Variants in COMMD1 observed in about 807,000 individuals in gnomAD.
COMMD1 encodes copper metabolism domain containing 1.
Under a neutral mutation model 17.2 loss-of-function variants are expected in COMMD1, and 10 were observed. The observed-to-expected ratio is 0.58, with a 90% CI of 0.36 to 0.99. The LOEUF (loss-of-function observed/expected upper bound fraction) is 0.99, where lower values mean the gene tolerates loss of function less well. Among genes scored for constraint, COMMD1 ranks in the 50% least tolerant of loss-of-function variants. The pLI, the probability that COMMD1 is intolerant of heterozygous loss-of-function variation, is 0.01. For synonymous variants in COMMD1, 97 were observed against 91.6 expected, an observed-to-expected ratio of 1.06 and a Z score of -0.34; for missense variants, 270 against 231.8, an observed-to-expected ratio of 1.17 and a Z score of -1.07.
At chr2:61,960,991 C>T (rs935875121) in intron 1 of COMMD1, among the ~76,000 whole-genome samples, 1 of 152,220 alleles carries the variant, frequency 6.6e-6, no homozygotes, top group Admixed American at 6.5e-5. Flanking sequence ...TGTCCTGGCT[C>T]TCTTCTCCCG....
intron 2 of COMMD1, among the ~76,000 whole-genome samples, chr2:62,060,638 C>G (rs1415327186): frequency 2.0e-5 from 3 of 152,118 alleles, no homozygotes; most frequent in Admixed American, 1.3e-4. Flanking sequence ...GAAGAATTTC[C>G]TTTAGCATTT....
rs548553242 is a variant in COMMD1, at chr2:61,911,512, C to T, written c.180+5654C>T. 3.1e-4 allele frequency among the ~76,000 whole-genome samples: 47 copies of T among 152,250 alleles called. 1 individual carries two copies. Among genetic ancestry groups the T allele is most frequent in the African/African-American group, 1.1e-3 (44 of 41,544 alleles). ...TTAGAGACAGGGACTCACTCTGTCA[C>T]GCAGGCTGGAGCGCAGTGGTGCAGT... On this transcript the variant is annotated intron_variant, in intron 1 of 2. Coordinates refer to ENST00000311832, the MANE Select transcript of COMMD1 (RefSeq NM_152516.4).
At chr2:62,112,438 C>CTTTCA (rs1427501286) in intron 2 of COMMD1, among the ~76,000 whole-genome samples, 1 of 152,204 alleles carries the variant, frequency 6.6e-6, no homozygotes, top group African/African-American at 2.4e-5. Context: ...CCCCAGGAGT[C>CTTTCA]TTTCACATGA....
rs186631472 is a variant in COMMD1 at position 61,957,642 on chromosome 2, C to T, written c.181-43059C>T. Among the ~76,000 whole-genome samples, 23 of 152,220 alleles carry T rather than the reference C, an allele frequency of 1.5e-4. No individual in the cohort carries two copies. In the East Asian group the frequency reaches 4.1e-3, roughly 27 times the overall value. ...TAAAATCTTTGTCTTAAAGACAAAT[C>T]AACAAGAGGAAACTTATAAAGAAAG... On this transcript the variant is annotated intron_variant, in intron 1 of 2. Coordinates refer to ENST00000311832, the MANE Select transcript of COMMD1 (RefSeq NM_152516.4).
chr2:61,928,100 C>T (rs1192929223), intron 1 of COMMD1, among the ~76,000 whole-genome samples: 2 of 151,646 alleles, frequency 1.3e-5, no homozygotes, highest in Non-Finnish European at 2.9e-5. Context: ...GTGATAGTAA[C>T]CTTTTGTAAT....
rs5831628 is a variant in COMMD1, at chr2:62,128,950, TAAA to T, written c.463-6864_463-6862del. ...CTGGGCAACAGAGCGAAACTCCATC[TAAA>T]AAAAAAAAAAAAAAAATCAGTATCA... On this transcript the variant is annotated intron_variant, in intron 2 of 2. Coordinates refer to ENST00000311832, the MANE Select transcript of COMMD1 (RefSeq NM_152516.4). Among the ~76,000 whole-genome samples the T allele has an allele frequency of 2.4e-3, 316 of 130,352 alleles. 1 individual carries two copies. The highest frequency in any genetic ancestry group is 7.4e-3 in the African/African-American group (266 of 35,994). 85.5% of individuals were successfully genotyped at this position (130,352 alleles called of 152,430 possible).
At chr2:61,987,958 A>G (rs898196796) in intron 1 of COMMD1, among the ~76,000 whole-genome samples, 17 of 152,106 alleles carry the variant, frequency 1.1e-4, no homozygotes, top group African/African-American at 3.9e-4. Flanking sequence ...TGCCACCATC[A>G]AAGGCCCATA....
intron 1 of COMMD1, among the ~76,000 whole-genome samples, chr2:61,893,366 A>T (rs2105155123): frequency 6.6e-6 from 1 of 152,210 alleles, no homozygotes; most frequent in Non-Finnish European, 1.5e-5. Flanking sequence ...ATAAAAATTT[A>T]AAAGTTTAAG....
chr2:62,024,742 T>C (rs936218116), intron 2 of COMMD1, among the ~76,000 whole-genome samples: 2 of 152,108 alleles, frequency 1.3e-5, no homozygotes, highest in Non-Finnish European at 2.9e-5. Flanking sequence ...CCTTATAAGA[T>C]TTTTTTTCTA....
chr2:61,920,806 T>G (rs1333508837), intron 1 of COMMD1, among the ~76,000 whole-genome samples: 2 of 151,830 alleles, frequency 1.3e-5, no homozygotes, highest in African/African-American at 4.8e-5. Context: ...TGTTTTGATT[T>G]TCCAGTGAGT....
intron 1 of COMMD1, among the ~76,000 whole-genome samples, chr2:61,958,264 CTTT>C (rs1202426664): frequency 6.8e-6 from 1 of 148,090 alleles, no homozygotes; most frequent in African/African-American, 2.6e-5. Context: ...TGGTTTCTTT[CTTT>C]CCTTTTTTTT....
chr2:62,012,459 C>T (rs1341729874), intron 2 of COMMD1, among the ~76,000 whole-genome samples: 1 of 151,690 alleles, frequency 6.6e-6, no homozygotes, highest in Admixed American at 6.6e-5. Flanking sequence ...GCTGGGATTA[C>T]AGGCATGCAC....
chr2:61,945,268 G>A (rs1020895244), intron 1 of COMMD1, among the ~76,000 whole-genome samples: 1 of 152,242 alleles, frequency 6.6e-6, no homozygotes, highest in Non-Finnish European at 1.5e-5. Flanking sequence ...CCAGAAAGGA[G>A]TTAGCTGCCT....
chr2:61,905,742 G>C lies in COMMD1; in HGVS notation c.64G>C (p.Asp22His). 3.1e-6 allele frequency: 5 copies of C among 1,613,648 alleles called. No homozygotes were observed. The highest frequency in any genetic ancestry group is 4.2e-6 in the Non-Finnish European group (5 of 1,179,836). Residue 22 changes from aspartate to histidine, a missense_variant, in exon 1 of 3, where the codon GAC becomes CAC. Physicochemically the swap from Asp to His is moderately conservative, Grantham distance 81 (BLOSUM62 -1). Coordinates refer to ENST00000311832, the MANE Select transcript of COMMD1 (RefSeq NM_152516.4). The stretch of plus-strand genomic sequence containing the variant: ...CGGGCTGCTGAATGCGCTGGCCCAG[G>C]ACACTTTCCACGGGTACCCCGGCAT... ...LSGLLNALAQ[D>H]TFHGYPGITE...
rs770802167 is a variant in COMMD1, at chr2:62,135,916, G to T, written c.548G>T (p.Ser183Ile). 43 of 1,595,088 alleles carry T rather than the reference G, an allele frequency of 2.7e-5. No homozygotes were observed. The highest frequency in any genetic ancestry group is 3.6e-5 in the Non-Finnish European group (42 of 1,162,808). ...CTGTCAGAGGTAGAAGAAAGTATCAGCACACTGATCAGCCAGCCTAACTGA... is the reference window on the plus strand; with the variant it reads ...CTGTCAGAGGTAGAAGAAAGTATCATCACACTGATCAGCCAGCCTAACTGA... The part of the protein sequence containing the change: ...KTLSEVEESI[S>I]TLISQPN The change falls in exon 3 of 3, where the codon AGC (serine) becomes ATC (isoleucine). Residue 183 changes from serine (S) to isoleucine (I), a missense_variant. By Grantham distance (142) the Ser-to-Ile change is moderately radical. Coordinates refer to ENST00000311832, the MANE Select transcript of COMMD1 (RefSeq NM_152516.4).
rs67886279 is a variant in COMMD1, at chr2:62,014,542, C to CTTTTTTTTTTTTTTTTTTTTTTTTTT, written c.462+13572_462+13597dup. On this transcript the variant is annotated intron_variant, in intron 2 of 2. Transcript: ENST00000311832. The stretch of plus-strand genomic sequence containing the variant: ...CATAACAAAATTTTACCATTTTAAC[C>CTTTTTTTTTTTTTTTTTTTTTTTTTT]TTTTTTTTTTTTTTTTTTTTTTTTT... 7.9e-5 allele frequency among the ~76,000 whole-genome samples: 5 copies of CTTTTTTTTTTTTTTTTTTTTTTTTTT among 63,568 alleles called. 1 individual carries two copies. The highest frequency in any genetic ancestry group is 3.6e-4 in the African/African-American group (5 of 14,022). The allele number at this position is 63,568 out of a possible 152,430, so 41.7% of individuals were successfully genotyped here. A position where few individuals can be genotyped will look rare whatever the true frequency, so the allele number is the denominator to read the frequency against.
chr2:62,008,323 C>T (rs1669180581), intron 2 of COMMD1, among the ~76,000 whole-genome samples: 1 of 152,078 alleles, frequency 6.6e-6, no homozygotes, highest in Non-Finnish European at 1.5e-5. Flanking sequence ...CGTGCACATG[C>T]ACACAGACCC....
chr2:61,889,899 C>T (rs1266040276), intron 1 of COMMD1, among the ~76,000 whole-genome samples: 3 of 152,128 alleles, frequency 2.0e-5, no homozygotes, highest in Non-Finnish European at 2.9e-5. Flanking sequence ...TTTTATATCT[C>T]GTTTAGTCCT....
Position 61,905,690 on chromosome 2 carries a change from C to A in COMMD1, c.12C>A (p.Gly4=), listed in dbSNP as rs376213723. MAA[G]ELEGGKPLSG... ...GGCCTTCGCAGAGCATGGCGGCGGG[C>A]GAGCTTGAGGGTGGCAAACCCCTGA... The change falls in exon 1 of 3, where the codon GGC becomes GGA. Residue 4 remains glycine, a synonymous_variant. Transcript: ENST00000311832. 120 of 1,565,276 alleles carry A rather than the reference C, an allele frequency of 7.7e-5. No homozygotes were observed. Among genetic ancestry groups the A allele is most frequent in the Non-Finnish European group, 8.4e-5 (97 of 1,153,184 alleles).
Sources: gnomAD v4.1 joint callset for allele counts (sites outside exome capture counted in the v4.1 genomes callset) on GRCh38, gnomAD v4.1.1 for gene constraint, MANE v1.5 for transcripts, NCBI Gene and HGNC (gene_info 2026-07-23, HGNC 2026-07-21) for gene names.